HPSE2: variants seen among roughly 807,000 people sequenced by gnomAD.
HPSE2 encodes heparanase 2 (inactive).
HPSE2 carries 38 observed loss-of-function variants against 60.5 expected under a neutral mutation model. That is an observed-to-expected ratio of 0.63 (90% CI 0.48 to 0.82). The LOEUF is 0.82. HPSE2 is among the 40% of genes least tolerant of loss of function. HPSE2 has a pLI of 0.00. For synonymous variants in HPSE2, 295 were observed against 293.2 expected (o/e 1.01, Z -0.06); for missense variants, 713 against 740.4 (o/e 0.96, Z 0.43).
At chr10:98,714,552 T>C (rs1052321993) in intron 5 of HPSE2, among the ~76,000 whole-genome samples, 2 of 151,916 alleles carry the variant, frequency 1.3e-5, no homozygotes, top group African/African-American at 4.8e-5. Flanking sequence ...TTCTTTTCAT[T>C]GTCTAATAAT....
At chr10:98,652,691 C>G (rs1036653356) in intron 6 of HPSE2, among the ~76,000 whole-genome samples, 1 of 152,216 alleles carries the variant, frequency 6.6e-6, no homozygotes, top group African/African-American at 2.4e-5. Flanking sequence ...CATGACTGGT[C>G]TTTGGAGACC....
chr10:99,273,302 C>T, the HPSE2 span, among the ~76,000 whole-genome samples: 34 of 152,252 alleles, frequency 2.2e-4, no homozygotes, highest in Admixed American at 6.5e-4. Flanking sequence ...AAAGACTACA[C>T]AATGGCTACA....
chr10:98,622,813 G>A (rs1445009995), intron 7 of HPSE2, among the ~76,000 whole-genome samples: 2 of 152,160 alleles, frequency 1.3e-5, no homozygotes, highest in East Asian at 3.9e-4. Flanking sequence ...GATACCACTA[G>A]GTAGTCCTCT....
intron 3 of HPSE2, among the ~76,000 whole-genome samples, chr10:99,037,907 G>A (rs1275658139): frequency 6.6e-6 from 1 of 152,002 alleles, no homozygotes; most frequent in African/African-American, 2.4e-5. Context: ...CATCAAAAAG[G>A]AGATACAGAC....
chr10:98,860,730 C>T lies in HPSE2; in HGVS notation c.611-116674G>A, dbSNP rs1219943751. On this transcript the variant is annotated intron_variant, in intron 3 of 11. Transcript: ENST00000370552. Reference sequence around the variant, plus strand: ...AACCTCTTTTGCAACTTTTGAAAGCCCTTTCAACTTTTAAGGCCTAATTAA... The same window carrying T: ...AACCTCTTTTGCAACTTTTGAAAGCTCTTTCAACTTTTAAGGCCTAATTAA... 5.9e-5 allele frequency among the ~76,000 whole-genome samples: 9 copies of T among 152,220 alleles called. No individual in the cohort carries two copies. In the East Asian group the frequency reaches 1.4e-3, roughly 23 times the overall value.
At chr10:99,313,397 G>A in the HPSE2 span, among the ~76,000 whole-genome samples, 2 of 152,000 alleles carry the variant, frequency 1.3e-5, no homozygotes, top group East Asian at 3.9e-4. Context: ...TGTGAGAGAA[G>A]TGCTGCAATC....
chr10:98,931,758 G>A (rs1429713422), intron 3 of HPSE2, among the ~76,000 whole-genome samples: 1 of 143,154 alleles, frequency 7.0e-6, no homozygotes, highest in African/African-American at 2.9e-5. Flanking sequence ...TCACGATTTT[G>A]ATTTCTGCTT....
intron 3 of HPSE2, among the ~76,000 whole-genome samples, chr10:99,100,797 T>G (rs1162093123): frequency 1.3e-5 from 2 of 152,158 alleles, no homozygotes; most frequent in Admixed American, 6.5e-5. Context: ...AGATCTCTCG[T>G]CAGAAACTCT....
At chr10:98,647,563 G>C (rs1946805769) in intron 6 of HPSE2, among the ~76,000 whole-genome samples, 2 of 152,134 alleles carry the variant, frequency 1.3e-5, no homozygotes, top group African/African-American at 2.4e-5. Flanking sequence ...CCTACTGAAG[G>C]GGGAGAAGCT....
intron 3 of HPSE2, among the ~76,000 whole-genome samples, chr10:98,877,010 T>C (rs1420373469): frequency 6.6e-6 from 1 of 151,864 alleles, no homozygotes; most frequent in African/African-American, 2.4e-5. Context: ...GACCTTTATA[T>C]AGGGCATGCT....
At chr10:99,030,633 C>T (rs1957478319) in intron 3 of HPSE2, among the ~76,000 whole-genome samples, 2 of 152,206 alleles carry the variant, frequency 1.3e-5, no homozygotes, top group South Asian at 4.1e-4. Context: ...GGCAATCCCA[C>T]TGCTGGCTAT....
chr10:98,698,286 CTG>C (rs201068910), intron 5 of HPSE2, among the ~76,000 whole-genome samples: 85,189 of 133,906 alleles, frequency 0.64, 26,544 homozygotes, highest in South Asian at 0.86. Context: ...TTATAACAAA[CTG>C]TCTCTCAGAC....
chr10:98,909,802 T>C (rs1953930119), intron 3 of HPSE2, among the ~76,000 whole-genome samples: 1 of 151,888 alleles, frequency 6.6e-6, no homozygotes, highest in Admixed American at 6.6e-5. Flanking sequence ...TTTAAAAAAA[T>C]AAACAACTTA....
chr10:98,486,135 C>T (rs1461100648), intron 10 of HPSE2, among the ~76,000 whole-genome samples: 2 of 152,186 alleles, frequency 1.3e-5, no homozygotes, highest in Non-Finnish European at 2.9e-5. Context: ...CCCTGCTTGG[C>T]TTATGGGCAA....
chr10:98,650,058 A>C (rs1946876384), intron 6 of HPSE2, among the ~76,000 whole-genome samples: 1 of 152,234 alleles, frequency 6.6e-6, no homozygotes, highest in Non-Finnish European at 1.5e-5. Flanking sequence ...TGCCCCTCTT[A>C]CATGGTAGAG....
chr10:98,984,420 C>G (rs11812749), intron 3 of HPSE2, among the ~76,000 whole-genome samples: 3 of 152,106 alleles, frequency 2.0e-5, no homozygotes, highest in African/African-American at 7.3e-5. Flanking sequence ...AACAGAACTG[C>G]AGCTGAGGGT....
At chr10:98,497,074 TAAGTTTGCTATTTTTTA>T (rs1226539087) in intron 9 of HPSE2, among the ~76,000 whole-genome samples, 2 of 152,264 alleles carry the variant, frequency 1.3e-5, no homozygotes, top group Non-Finnish European at 2.9e-5. Flanking sequence ...TGTATACTAT[TAAGTTTGCTATTTTTTA>T]AGTAGTCTAG....
intron 11 of HPSE2, 135 bp downstream of exon 11, chr10:98,482,501 C>T (rs1267472008): frequency 1.9e-6 from 2 of 1,070,232 alleles, no homozygotes; most frequent in East Asian, 2.4e-5. Flanking sequence ...AGTCACCTGA[C>T]CCCAGACCGC....
chr10:99,118,566 A>G (rs1330561832), intron 3 of HPSE2, among the ~76,000 whole-genome samples: 2 of 150,562 alleles, frequency 1.3e-5, no homozygotes, highest in Non-Finnish European at 3.0e-5. Flanking sequence ...AATAAGAGCC[A>G]TCTATGACAA....
Sources: allele counts gnomAD v4.1 joint callset (sites outside exome capture counted in the v4.1 genomes callset), GRCh38; gene constraint gnomAD v4.1.1; transcripts MANE v1.5; gene names NCBI Gene and HGNC (gene_info 2026-07-23, HGNC 2026-07-21).